GBE1: variants seen among roughly 807,000 people sequenced by gnomAD.
GBE1 encodes 1,4-alpha-glucan branching enzyme 1.
In GBE1, 70 loss-of-function variants were observed where a neutral mutation model predicts 88.8. That is an observed-to-expected ratio of 0.79 (90% confidence interval 0.65 to 0.96). The LOEUF (loss-of-function observed/expected upper bound fraction) is 0.96, where lower values mean the gene tolerates loss of function less well. Ranked by LOEUF, GBE1 falls within the 40% of genes least tolerant of loss-of-function variation. The pLI is 0.00. For missense variants in GBE1, 872 were observed against 871.0 expected, an observed-to-expected ratio of 1.00 and a Z score of -0.01; for synonymous variants, 284 against 300.1, an observed-to-expected ratio of 0.95 and a Z score of 0.56.
intron 9 of GBE1, among the ~76,000 whole-genome samples, chr3:81,589,634 T>G (rs1294027593): frequency 6.6e-6 from 1 of 151,924 alleles, no homozygotes; most frequent in Non-Finnish European, 1.5e-5. Flanking sequence ...TTACTTGAAA[T>G]GAATGGAAAG....
chr3:81,713,904 C>T (rs942691369), intron 1 of GBE1, among the ~76,000 whole-genome samples: 2 of 152,094 alleles, frequency 1.3e-5, no homozygotes, highest in African/African-American at 4.8e-5. Context: ...TGAGAGTCTA[C>T]TGTATATCCA....
chr3:81,741,304 A>G (rs1346452262), intron 1 of GBE1, among the ~76,000 whole-genome samples: 1 of 152,084 alleles, frequency 6.6e-6, no homozygotes, highest in East Asian at 1.9e-4. Flanking sequence ...AGTTCAACAA[A>G]CCATTTGATT....
At chr3:81,574,815 A>C (rs1703622771) in intron 12 of GBE1, among the ~76,000 whole-genome samples, 1 of 152,190 alleles carries the variant, frequency 6.6e-6, no homozygotes, top group African/African-American at 2.4e-5. Context: ...TCTGGTATAA[A>C]AAATAAAAAG....
chr3:81,634,629 G>A (rs1047439013), intron 7 of GBE1, among the ~76,000 whole-genome samples: 1 of 152,074 alleles, frequency 6.6e-6, no homozygotes, highest in African/African-American at 2.4e-5. Context: ...AGAGAGAGAA[G>A]GAGAGATCAA....
chr3:81,494,351 T>A (rs9861355), intron 15 of GBE1, among the ~76,000 whole-genome samples: 24,275 of 152,102 alleles, frequency 0.16, 2,028 homozygotes, highest in Non-Finnish European at 0.2. Context: ...CAATTTGGGG[T>A]TCCTAAAATT....
chr3:81,577,220 G>A (rs1369175637), intron 12 of GBE1, among the ~76,000 whole-genome samples: 1 of 151,998 alleles, frequency 6.6e-6, no homozygotes, highest in Admixed American at 6.6e-5. Context: ...CAGATTAAAG[G>A]TGTGAGGCAC....
chr3:81,581,815 CG>C (rs1424838442), intron 10 of GBE1, among the ~76,000 whole-genome samples: 7 of 152,038 alleles, frequency 4.6e-5, no homozygotes, highest in Admixed American at 4.6e-4. Context: ...AATTTCTAGT[CG>C]GTGTTCAGTC....
chr3:81,590,473 T>C lies in GBE1; in HGVS notation c.1236+564A>G, dbSNP rs1178657658. On this transcript the variant is annotated intron_variant, in intron 9 of 15. Transcript: ENST00000429644. ...ATCACATTTATCACCAAGAGGGGAA[T>C]TGTCAATTATGCATATATGGAATTA... 2.0e-5 allele frequency among the ~76,000 whole-genome samples: 3 copies of C among 152,040 alleles called. No individual in the cohort carries two copies. The South Asian group carries it at 6.2e-4, about 32-fold the overall frequency.
At chr3:81,751,678 C>T (rs115583570) in intron 1 of GBE1, among the ~76,000 whole-genome samples, 4,388 of 152,228 alleles carry the variant, frequency 0.029, 226 homozygotes, top group African/African-American at 0.096. Flanking sequence ...AAGCTAAAGC[C>T]CAAACCACTG....
intron 3 of GBE1, chr3:81,650,167 C>G (rs1269203772): frequency 3.1e-6 from 1 of 323,418 alleles, no homozygotes; most frequent in African/African-American, 2.2e-5. Context: ...ATTTCCACCA[C>G]TGCAAACCAG....
At chr3:81,513,031 G>T (rs1576127114) in intron 14 of GBE1, among the ~76,000 whole-genome samples, 1 of 151,568 alleles carries the variant, frequency 6.6e-6, no homozygotes, top group East Asian at 1.9e-4. Context: ...ATAATTCCAT[G>T]CTGCCCAGTT....
chr3:81,534,524 T>A (rs980354110), intron 14 of GBE1: 2 of 152,050 alleles, frequency 1.3e-5, no homozygotes, highest in African/African-American at 4.8e-5. Context: ...ACATTCTCCC[T>A]GGTTATTTCT....
At chr3:81,621,657 C>T (rs756280195) in intron 7 of GBE1, among the ~76,000 whole-genome samples, 5 of 152,170 alleles carry the variant, frequency 3.3e-5, no homozygotes, top group East Asian at 1.9e-4. Context: ...AGAATTCTCA[C>T]GGTCTATTAC....
intron 2 of GBE1, among the ~76,000 whole-genome samples, chr3:81,678,605 T>C (rs1705294774): frequency 6.6e-6 from 1 of 152,168 alleles, no homozygotes; most frequent in South Asian, 2.1e-4. Flanking sequence ...TTGATAAATA[T>C]TCTTGTTTAT....
At chr3:81,594,066 G>T (rs1241867196) in intron 7 of GBE1, 43 bp from the exon 8 acceptor site, 2 of 893,448 alleles carry the variant, frequency 2.2e-6, no homozygotes, top group South Asian at 1.5e-5. Flanking sequence ...AATGTGAAGA[G>T]CATTTTCCTT....
intron 1 of GBE1, among the ~76,000 whole-genome samples, chr3:81,715,708 C>A (rs1705928782): frequency 6.6e-6 from 1 of 152,090 alleles, no homozygotes; most frequent in Admixed American, 6.6e-5. Context: ...TCAATTTTCA[C>A]TTAACAATCT....
chr3:81,713,328 T>C (rs989588024), intron 1 of GBE1, among the ~76,000 whole-genome samples: 16 of 152,118 alleles, frequency 1.1e-4, no homozygotes, highest in East Asian at 1.9e-4. Flanking sequence ...TGTGTAAAAA[T>C]TGGATGCTTC....
intron 12 of GBE1, among the ~76,000 whole-genome samples, chr3:81,565,451 G>C (rs1489614234): frequency 2.0e-5 from 3 of 152,104 alleles, no homozygotes; most frequent in African/African-American, 7.2e-5. Context: ...ACCACAGATG[G>C]AAGATTTGAA....
intron 1 of GBE1, among the ~76,000 whole-genome samples, chr3:81,743,904 T>G (rs1706386307): frequency 1.3e-5 from 2 of 152,146 alleles, no homozygotes; most frequent in South Asian, 4.1e-4. Context: ...ATGTGGCATA[T>G]CTCCATGTTT....
Sources: gnomAD v4.1 joint callset for allele counts (sites outside exome capture counted in the v4.1 genomes callset) on GRCh38, gnomAD v4.1.1 for gene constraint, MANE v1.5 for transcripts, NCBI Gene and HGNC (gene_info 2026-07-23, HGNC 2026-07-21) for gene names.